The following ANKFN1 variants were observed in gnomAD, a reference collection of about 807,000 sequenced individuals.
ANKFN1 encodes the protein ankyrin repeat and fibronectin type-III domain-containing protein 1.
A neutral mutation model predicts 108.7 loss-of-function variants in ANKFN1; 74 were observed. The ratio of observed to expected loss-of-function variants is 0.68; its 90% CI spans 0.56 to 0.83. ANKFN1 has a LOEUF of 0.83. Among genes scored for constraint, ANKFN1 ranks in the 40% least tolerant of loss-of-function variants. The pLI is 0.00. For synonymous variants in ANKFN1, 547 were observed against 516.2 expected, an observed-to-expected ratio of 1.06 and a Z score of -0.81; for missense variants, 1,505 against 1,382.3, an observed-to-expected ratio of 1.09 and a Z score of -1.41.
chr17:56,141,772 C>A (rs1230196234), intron 4 of ANKFN1, among the ~76,000 whole-genome samples: 1 of 152,030 alleles, frequency 6.6e-6, no homozygotes, highest in Non-Finnish European at 1.5e-5. Flanking sequence ...TCAGCTGAAG[C>A]AGAACAATCA....
At chr17:56,295,583 C>T (rs943159285) in intron 3 of ANKFN1, among the ~76,000 whole-genome samples, 4 of 152,022 alleles carry the variant, frequency 2.6e-5, no homozygotes, top group Admixed American at 2.0e-4. Flanking sequence ...ATCTGGGTTC[C>T]ACCATGATAT....
intron 4 of ANKFN1, among the ~76,000 whole-genome samples, chr17:56,116,958 T>TTTGTGAA (rs1384333096): frequency 1.1e-4 from 17 of 152,098 alleles, no homozygotes; most frequent in African/African-American, 4.1e-4. Context: ...GTGTGCTCAT[T>TTTGTGAA]CTGTGAAAAT....
At chr17:56,076,909 T>G (rs1248433705) in intron 4 of ANKFN1, among the ~76,000 whole-genome samples, 2 of 152,218 alleles carry the variant, frequency 1.3e-5, no homozygotes, top group Admixed American at 6.5e-5. Flanking sequence ...ATTGCATCAG[T>G]CTTATGATAG....
chr17:56,321,024 A>G (rs1446296315), intron 3 of ANKFN1, among the ~76,000 whole-genome samples: 1 of 151,866 alleles, frequency 6.6e-6, no homozygotes, highest in African/African-American at 2.4e-5. Flanking sequence ...AATAATCAAG[A>G]ACTAGCATGC....
At chr17:56,295,977 T>A (rs941543608) in intron 3 of ANKFN1, among the ~76,000 whole-genome samples, 23 of 152,236 alleles carry the variant, frequency 1.5e-4, no homozygotes, top group African/African-American at 5.3e-4. Flanking sequence ...CAACACATAC[T>A]TTTTGGGGGG....
At chr17:56,337,956 A>G (rs1163331884) in intron 4 of ANKFN1, among the ~76,000 whole-genome samples, 1 of 152,204 alleles carries the variant, frequency 6.6e-6, no homozygotes, top group Non-Finnish European at 1.5e-5. Flanking sequence ...ATTACTGGGT[A>G]TATGCCCGAA....
chr17:56,293,951 G>A (rs111409427), intron 3 of ANKFN1, among the ~76,000 whole-genome samples: 3 of 152,034 alleles, frequency 2.0e-5, no homozygotes, highest in Non-Finnish European at 4.4e-5. Flanking sequence ...AGGCATAAAC[G>A]TTTTCACCAT....
intron 3 of ANKFN1, among the ~76,000 whole-genome samples, chr17:56,273,729 A>T (rs186376448): frequency 1.3e-5 from 2 of 152,218 alleles, no homozygotes; most frequent in African/African-American, 4.8e-5. Context: ...TAAAATAGCT[A>T]ATATTATTGT....
chr17:56,181,728 G>T (rs55704141), intron 1 of ANKFN1, among the ~76,000 whole-genome samples: 1 of 151,702 alleles, frequency 6.6e-6, no homozygotes, highest in African/African-American at 2.4e-5. Context: ...ATATATGTAC[G>T]TATATATGTT....
chr17:56,188,563 A>ATGTG lies in ANKFN1; in HGVS notation c.-70-24019_-70-24016dup, dbSNP rs1238184436. 1.3e-4 allele frequency among the ~76,000 whole-genome samples: 12 copies of ATGTG among 89,908 alleles called. 1 individual carries two copies. Among genetic ancestry groups the ATGTG allele is most frequent in the Middle Eastern group, 5.4e-3 (1 of 184 alleles). 59.0% of individuals were successfully genotyped at this position (89,908 alleles called of 152,430 possible). A position where few individuals can be genotyped will look rare whatever the true frequency, so the allele number is the denominator to read the frequency against. On this transcript the variant is annotated intron_variant, in intron 1 of 20. Transcript: ENST00000682825. ...GATGTATATGTGTGTGTGTGTGTGTATGTGTGTGTGTGTGTGTGTATATAT... is the reference window on the plus strand; with the variant it reads ...GATGTATATGTGTGTGTGTGTGTGTATGTGTGTGTGTGTGTGTGTGTGTATATAT...
At chr17:56,338,753 AG>A (rs1285958100) in intron 4 of ANKFN1, among the ~76,000 whole-genome samples, 1 of 152,094 alleles carries the variant, frequency 6.6e-6, no homozygotes, top group Non-Finnish European at 1.5e-5. Context: ...GATCCCAGCA[AG>A]AATCATATAG....
At chr17:56,074,514 G>C (rs1174119472) in intron 4 of ANKFN1, among the ~76,000 whole-genome samples, 2 of 152,198 alleles carry the variant, frequency 1.3e-5, no homozygotes, top group East Asian at 1.9e-4. Flanking sequence ...AAATGCCTGG[G>C]AGTGGCAGCT....
intron 1 of ANKFN1, among the ~76,000 whole-genome samples, chr17:56,208,767 C>T (rs1172926570): frequency 6.6e-6 from 1 of 152,164 alleles, no homozygotes; most frequent in Non-Finnish European, 1.5e-5. Flanking sequence ...TTTAAGAGTA[C>T]ATCTCCTAGT....
At chr17:56,226,273 G>T (rs113476775) in intron 2 of ANKFN1, among the ~76,000 whole-genome samples, 1 of 151,964 alleles carries the variant, frequency 6.6e-6, no homozygotes, top group Admixed American at 6.6e-5. Flanking sequence ...AGATCTTGTC[G>T]GGTCAAACTA....
intron 2 of ANKFN1, among the ~76,000 whole-genome samples, chr17:56,215,988 G>GT (rs975493867): frequency 1.3e-5 from 2 of 152,176 alleles, no homozygotes; most frequent in African/African-American, 4.8e-5. Context: ...TGAGTAAACA[G>GT]TTGCCTGAGT....
chr17:56,269,326 G>T (rs554566617), intron 3 of ANKFN1, among the ~76,000 whole-genome samples: 1 of 152,262 alleles, frequency 6.6e-6, no homozygotes, highest in South Asian at 2.1e-4. Context: ...AACCCTTCTG[G>T]CATATTCATT....
chr17:56,467,782 AGAAAGAAAG>A (rs2050144111), intron 15 of ANKFN1, among the ~76,000 whole-genome samples: 4 of 17,960 alleles, frequency 2.2e-4, no homozygotes, highest in Admixed American at 9.2e-4. Context: ...AAAGAAAGAA[AGAAAGAAAG>A]AAGAAAGAAA....
At chr17:56,225,905 T>C (rs915796774) in intron 2 of ANKFN1, among the ~76,000 whole-genome samples, 2 of 152,150 alleles carry the variant, frequency 1.3e-5, no homozygotes, top group African/African-American at 4.8e-5. Context: ...AAATGAAGAG[T>C]TCTTGTCCAA....
chr17:56,090,857 C>A (rs1314837897), intron 4 of ANKFN1, among the ~76,000 whole-genome samples: 4 of 151,208 alleles, frequency 2.6e-5, no homozygotes, highest in Admixed American at 6.6e-5. Flanking sequence ...ATCCTCCCAA[C>A]AAGGCATCCC....
Sources: allele counts gnomAD v4.1 joint callset (sites outside exome capture counted in the v4.1 genomes callset), GRCh38; gene constraint gnomAD v4.1.1; transcripts MANE v1.5; gene names NCBI Gene and HGNC (gene_info 2026-07-23, HGNC 2026-07-21).